The following DGKG variants were observed in gnomAD, a reference collection of about 807,000 sequenced individuals.
DGKG encodes diacylglycerol kinase gamma.
Under a neutral mutation model 105.3 loss-of-function variants are expected in DGKG, and 78 were observed. The observed-to-expected ratio is 0.74, with a 90% CI of 0.62 to 0.89. The LOEUF (loss-of-function observed/expected upper bound fraction) is 0.89, where lower values mean the gene tolerates loss of function less well. Ranked by LOEUF, DGKG falls within the 40% of genes least tolerant of loss-of-function variation. DGKG has a pLI of 0.00. For synonymous variants in DGKG, 346 were observed against 367.1 expected (o/e 0.94, Z 0.66); for missense variants, 958 against 1,020.1 (o/e 0.94, Z 0.83).
intron 17 of DGKG, among the ~76,000 whole-genome samples, chr3:186,256,608 G>C (rs1275029517): frequency 6.6e-6 from 1 of 152,186 alleles, no homozygotes; most frequent in East Asian, 1.9e-4. Flanking sequence ...GACCCTCCCA[G>C]TATAAAAGCC....
In DGKG at chr3:186,150,256, G is replaced by T. The variant is rs1371725584; in HGVS notation, c.2278-68C>A. On this transcript the variant is annotated intron_variant, in intron 24 of 24. Coordinates refer to ENST00000265022, the MANE Select transcript of DGKG (RefSeq NM_001346.3). ...TCAGTAGCCTAAGGGAGAGTGAGTC[G>T]CAGAGAAAGGAAAGGCCAGCTTCAG... 4.6e-6 allele frequency: 7 copies of T among 1,529,778 alleles called. 1 individual carries two copies. In the Admixed American group the frequency reaches 6.1e-5, roughly 13 times the overall value. 94.8% of individuals were successfully genotyped at this position (1,529,778 alleles called of 1,614,324 possible).
At chr3:186,169,429 A>C (rs1716714809) in intron 22 of DGKG, among the ~76,000 whole-genome samples, 1 of 152,210 alleles carries the variant, frequency 6.6e-6, no homozygotes, top group Non-Finnish European at 1.5e-5. Flanking sequence ...ATGTTATAAC[A>C]AAAGTCATGT....
At chr3:186,341,409 G>A (rs756752148) in intron 1 of DGKG, among the ~76,000 whole-genome samples, 2 of 152,234 alleles carry the variant, frequency 1.3e-5, no homozygotes, top group Non-Finnish European at 2.9e-5. Context: ...CTACTTGGGA[G>A]GCTGAGGAAG....
chr3:186,240,778 C>T (rs1034862721), intron 20 of DGKG, among the ~76,000 whole-genome samples: 3 of 149,138 alleles, frequency 2.0e-5, no homozygotes, highest in Non-Finnish European at 4.4e-5. Context: ...CCACTGCACT[C>T]CAGGCTGAGC....
intron 20 of DGKG, among the ~76,000 whole-genome samples, chr3:186,220,724 C>G (rs993638574): frequency 2.0e-5 from 3 of 152,196 alleles, no homozygotes; most frequent in African/African-American, 4.8e-5. Context: ...AGTCTCCACT[C>G]TTGTCCCAGA....
rs142599200 is a variant in DGKG at position 186,297,545 on chromosome 3, G to C, written c.311-62C>G. The C allele has an allele frequency of 6.6e-5, 77 of 1,170,782 alleles. 1 individual carries two copies. The African/African-American group carries it at 1.1e-3, about 16-fold the overall frequency. The allele number at this position is 1,170,782 out of a possible 1,614,324, so 72.5% of individuals were successfully genotyped here. On this transcript the variant is annotated intron_variant, in intron 4 of 24. Transcript: ENST00000265022. Reference sequence around the variant, plus strand: ...GCCCTCTAGCTTCTTGGAAGGGCAGGTACAGGACATCCCCATGGGACCTGG... The same window carrying C: ...GCCCTCTAGCTTCTTGGAAGGGCAGCTACAGGACATCCCCATGGGACCTGG...
At chr3:186,314,404 A>C (rs536672417) in intron 2 of DGKG, among the ~76,000 whole-genome samples, 3 of 152,196 alleles carry the variant, frequency 2.0e-5, no homozygotes, top group African/African-American at 7.2e-5. Flanking sequence ...TGGACGTAGT[A>C]GTCTCAGTTT....
At chr3:186,200,567 T>C (rs912860527) in intron 21 of DGKG, among the ~76,000 whole-genome samples, 1 of 152,188 alleles carries the variant, frequency 6.6e-6, no homozygotes, top group African/African-American at 2.4e-5. Context: ...TAAGTGGAAC[T>C]AAATCCCCTT....
intron 1 of DGKG, among the ~76,000 whole-genome samples, chr3:186,322,124 TGC>T (rs963322043): frequency 2.0e-5 from 3 of 152,218 alleles, no homozygotes; most frequent in African/African-American, 7.2e-5. Context: ...CCTCTTCTTT[TGC>T]CATCTTTAAA....
intron 22 of DGKG, among the ~76,000 whole-genome samples, chr3:186,165,923 G>T (rs1026001793): frequency 6.6e-6 from 1 of 152,200 alleles, no homozygotes; most frequent in African/African-American, 2.4e-5. Context: ...GCCTACCAAG[G>T]CAAGAGTAGC....
Position 186,178,802 on chromosome 3 carries a change from G to C in DGKG, c.2095+9400C>G, listed in dbSNP as rs545565929. The stretch of plus-strand genomic sequence containing the variant: ...ACCAGCCAGAAACTGCGAAGCTGGG[G>C]TCGGGTTGGGGTGGTTACTCTGGGG... On this transcript the variant is annotated intron_variant, in intron 22 of 24. Transcript: ENST00000265022. 5.3e-5 allele frequency among the ~76,000 whole-genome samples: 8 copies of C among 152,300 alleles called. No individual in the cohort carries two copies. The South Asian group carries it at 1.0e-3, about 20-fold the overall frequency.
chr3:186,211,931 T>A, intron 20 of DGKG, 46 bp from the exon 21 acceptor site: 1 of 1,476,840 alleles, frequency 6.8e-7, no homozygotes, highest in Non-Finnish European at 9.5e-7. Context: ...ATACTTGAAA[T>A]GCTCATGTAA....
At chr3:186,215,443 G>T (rs1719234750) in intron 20 of DGKG, among the ~76,000 whole-genome samples, 1 of 151,876 alleles carries the variant, frequency 6.6e-6, no homozygotes, top group African/African-American at 2.4e-5. Context: ...ATTCTATAGG[G>T]AGTCATGGAC....
chr3:186,328,949 C>G (rs1050882819), intron 1 of DGKG, among the ~76,000 whole-genome samples: 1 of 152,136 alleles, frequency 6.6e-6, no homozygotes, highest in Non-Finnish European at 1.5e-5. Context: ...CAGATGGTAT[C>G]CCACGTGACA....
At position 186,231,816 on chromosome 3, in the gene DGKG, G is replaced by T. The variant is rs112424388; in HGVS notation, c.1826+10688C>A. 3.1e-3 allele frequency among the ~76,000 whole-genome samples: 476 copies of T among 152,242 alleles called. 2 individuals carry two copies. Among genetic ancestry groups the T allele is most frequent in the African/African-American group, 0.011 (453 of 41,532 alleles). ...CGCACCTGTAATCCCAGCTAATCAG[G>T]AGGCTGAGGCAGGAGAATTGCTTGA... On this transcript the variant is annotated intron_variant, in intron 20 of 24. Transcript: ENST00000265022. The surrounding 1 kb of genome is among the most constrained non-coding windows in gnomAD (Gnocchi z 4.5).
chr3:186,331,981 G>T (rs113707168), intron 1 of DGKG, among the ~76,000 whole-genome samples: 3,588 of 147,960 alleles, frequency 0.024, 151 homozygotes, highest in African/African-American at 0.086. Context: ...ACTAGTAAAT[G>T]ATGAGACTGT....
intron 1 of DGKG, among the ~76,000 whole-genome samples, chr3:186,330,379 T>C (rs1725546260): frequency 6.6e-6 from 1 of 152,238 alleles, no homozygotes. Flanking sequence ...TTTACATTGG[T>C]GGTCCCCCAA....
chr3:186,360,993 C>G (rs1465484159), intron 1 of DGKG, among the ~76,000 whole-genome samples: 1 of 152,220 alleles, frequency 6.6e-6, no homozygotes, highest in Non-Finnish European at 1.5e-5. Context: ...ACAGCGCTCC[C>G]GGGCACCACT....
At position 186,331,714 on chromosome 3, in the gene DGKG, C is replaced by A. The variant is rs1725612982; in HGVS notation, c.-248-11007G>T. 1.3e-5 allele frequency among the ~76,000 whole-genome samples: 2 copies of A among 152,146 alleles called. 1 individual carries two copies. The highest frequency in any genetic ancestry group is 4.8e-5 in the African/African-American group (2 of 41,436). On this transcript the variant is annotated intron_variant, in intron 1 of 24. Coordinates refer to ENST00000265022, the MANE Select transcript of DGKG (RefSeq NM_001346.3). ...GGGGTCTGTCTTTGGCACAGGCAGG[C>A]AGTGTTGGTCTAAGAAGAGTGTTTG... is the stretch of plus-strand genomic sequence containing the variant.
Sources: allele counts gnomAD v4.1 joint callset (sites outside exome capture counted in the v4.1 genomes callset), GRCh38; gene constraint gnomAD v4.1.1; non-coding constraint Gnocchi (gnomAD v3.1); transcripts MANE v1.5; gene names NCBI Gene and HGNC (gene_info 2026-07-23, HGNC 2026-07-21).